PLCL2: variants seen among roughly 807,000 people sequenced by gnomAD.
PLCL2 encodes the protein inactive phospholipase C-like protein 2.
In PLCL2, 4 loss-of-function variants were observed where a neutral mutation model predicts 79.6. The observed-to-expected ratio is 0.05, with a 90% CI of 0.02 to 0.11. PLCL2 has a LOEUF of 0.11. PLCL2 is among the 10% of genes least tolerant of loss of function. PLCL2 has a pLI of 1.00. For missense variants in PLCL2, 895 were observed against 1,291.0 expected (o/e 0.69, Z 4.70); for synonymous variants, 484 against 457.7 (o/e 1.06, Z -0.73).
chr3:17,020,887 G>T (rs1014340563), intron 3 of PLCL2, among the ~76,000 whole-genome samples: 14 of 152,136 alleles, frequency 9.2e-5, no homozygotes. Context: ...TTGGTATGGT[G>T]TCATATACTT....
At chr3:16,906,889 T>C (rs1040686825) in intron 1 of PLCL2, among the ~76,000 whole-genome samples, 13 of 152,210 alleles carry the variant, frequency 8.5e-5, no homozygotes, top group Non-Finnish European at 1.8e-4. Flanking sequence ...CTCCACCCAG[T>C]CTAAAACACA....
chr3:16,939,764 T>C (rs980377764), intron 1 of PLCL2, among the ~76,000 whole-genome samples: 4 of 152,228 alleles, frequency 2.6e-5, no homozygotes, highest in African/African-American at 9.6e-5. Flanking sequence ...GGACAGCTTT[T>C]ATTCGGGAGA....
At chr3:16,905,831 G>C (rs1471658375) in intron 1 of PLCL2, among the ~76,000 whole-genome samples, 3 of 152,160 alleles carry the variant, frequency 2.0e-5, no homozygotes, top group Non-Finnish European at 4.4e-5. Context: ...CCAATCTTTG[G>C]TGAGCCTGGA....
At position 16,891,567 on chromosome 3, in the gene PLCL2, G is replaced by C. The variant is rs79066800; in HGVS notation, c.327+6201G>C. 1.7e-4 allele frequency among the ~76,000 whole-genome samples: 26 copies of C among 152,288 alleles called. No individual in the cohort carries two copies. In the East Asian group the frequency reaches 5.0e-3, roughly 29 times the overall value. ...TACCTCAGTACAACTGCACACACAT[G>C]TAAATAGCCCCAACTATGGGATCAA... On this transcript the variant is annotated intron_variant, in intron 1 of 5. Transcript: ENST00000615277.
At chr3:16,921,481 A>G (rs1697123547) in intron 1 of PLCL2, among the ~76,000 whole-genome samples, 1 of 152,194 alleles carries the variant, frequency 6.6e-6, no homozygotes, top group Non-Finnish European at 1.5e-5. Context: ...ATTATTGAAC[A>G]CATGAGCTGA....
intron 3 of PLCL2, among the ~76,000 whole-genome samples, chr3:17,033,882 T>A (rs894399229): frequency 6.6e-6 from 1 of 152,204 alleles, no homozygotes; most frequent in African/African-American, 2.4e-5. Context: ...TCTTTTTTTA[T>A]GTGTCACTGC....
chr3:16,954,160 A>T (rs1054512168), intron 1 of PLCL2, among the ~76,000 whole-genome samples: 1 of 152,068 alleles, frequency 6.6e-6, no homozygotes, highest in Non-Finnish European at 1.5e-5. Flanking sequence ...ATATCTCCTA[A>T]TGCTATCCCT....
At chr3:16,966,839 G>A (rs1400936238) in intron 1 of PLCL2, among the ~76,000 whole-genome samples, 3 of 151,844 alleles carry the variant, frequency 2.0e-5, no homozygotes, top group Non-Finnish European at 4.4e-5. Context: ...CAGAGGTCAC[G>A]GGAGTTTGAT....
intron 1 of PLCL2, among the ~76,000 whole-genome samples, chr3:16,999,098 A>G (rs2064181875): frequency 6.6e-6 from 1 of 152,354 alleles, no homozygotes; most frequent in Non-Finnish European, 1.5e-5. Flanking sequence ...ATACTTATAC[A>G]AGACTTAAAT....
At chr3:17,032,838 C>T (rs536866782) in intron 3 of PLCL2, among the ~76,000 whole-genome samples, 1 of 152,224 alleles carries the variant, frequency 6.6e-6, no homozygotes, top group South Asian at 2.1e-4. Flanking sequence ...AAGCATATGC[C>T]TGTATCTTAT....
At chr3:16,989,836 T>C (rs977695894) in intron 1 of PLCL2, among the ~76,000 whole-genome samples, 2 of 152,202 alleles carry the variant, frequency 1.3e-5, no homozygotes, top group African/African-American at 4.8e-5. Flanking sequence ...TATGTAAATA[T>C]GTAGCTAGAT....
At chr3:16,944,546 G>A (rs1303453250) in intron 1 of PLCL2, among the ~76,000 whole-genome samples, 1 of 152,064 alleles carries the variant, frequency 6.6e-6, no homozygotes, top group Non-Finnish European at 1.5e-5. Context: ...TCTAATATGT[G>A]TCCTCATAAG....
chr3:17,087,379 A>G (rs747171636), intron 5 of PLCL2, among the ~76,000 whole-genome samples: 1 of 152,252 alleles, frequency 6.6e-6, no homozygotes, highest in Non-Finnish European at 1.5e-5. Context: ...ATTTAAATGC[A>G]TATTACTAAG....
At chr3:16,917,811 G>A (rs1286109023) in intron 1 of PLCL2, among the ~76,000 whole-genome samples, 4 of 152,154 alleles carry the variant, frequency 2.6e-5, no homozygotes, top group African/African-American at 7.2e-5. Flanking sequence ...AGATGGAAAT[G>A]AGACCCCACT....
chr3:17,059,418 G>GTATGTGTGTGTGTATATATA (rs2124935828), intron 4 of PLCL2, among the ~76,000 whole-genome samples: 2 of 123,134 alleles, frequency 1.6e-5, no homozygotes, highest in South Asian at 5.5e-4. Context: ...ATGTATGTGT[G>GTATGTGTGTGTGTATATATA]TATGTGTGTG....
intron 3 of PLCL2, among the ~76,000 whole-genome samples, chr3:17,037,929 G>A (rs2064674701): frequency 6.6e-6 from 1 of 151,946 alleles, no homozygotes; most frequent in South Asian, 2.1e-4. Context: ...ATATATTTAT[G>A]TAATAATAAC....
Position 17,011,149 on chromosome 3 carries a change from G to A in PLCL2, c.1803G>A (p.Met601Ile). 6.2e-7 allele frequency: 1 copy of A among 1,614,136 alleles called. No individual in the cohort carries two copies. The change falls in exon 2 of 6, where the codon ATG becomes ATA. Residue 601 changes from methionine to isoleucine, a missense_variant. Coordinates refer to ENST00000615277, the MANE Select transcript of PLCL2 (RefSeq NM_001144382.2). The surrounding 1 kb of genome is among the most constrained non-coding windows in gnomAD (Gnocchi z 7.9). ...EMSQRMGKEN[M>I]EQPNNVPVKR... ...CTCAGAGGATGGGAAAAGAGAACAT[G>A]GAGCAACCCAATAATGTGCCTGTGA...
At chr3:17,065,591 C>G (rs1271261566) in intron 4 of PLCL2, among the ~76,000 whole-genome samples, 2 of 152,240 alleles carry the variant, frequency 1.3e-5, no homozygotes, top group Non-Finnish European at 2.9e-5. Flanking sequence ...CATAAACAGT[C>G]TGCCCCTAGC....
intron 1 of PLCL2, among the ~76,000 whole-genome samples, chr3:16,964,620 G>A (rs373952692): frequency 6.6e-6 from 1 of 152,092 alleles, no homozygotes; most frequent in African/African-American, 2.4e-5. Flanking sequence ...GGTTGAACTA[G>A]TTTACAGTCC....
Sources: allele counts gnomAD v4.1 joint callset (sites outside exome capture counted in the v4.1 genomes callset), GRCh38; gene constraint gnomAD v4.1.1; non-coding constraint Gnocchi (gnomAD v3.1); transcripts MANE v1.5; gene names NCBI Gene and HGNC (gene_info 2026-07-23, HGNC 2026-07-21).